HOATZ: variants seen among roughly 807,000 people sequenced by gnomAD.
HOATZ encodes HOATZ cilia and flagella associated protein, also known as cilia- and flagella-associated protein HOATZ.
HOATZ carries 26 observed loss-of-function variants against 24.9 expected under a neutral mutation model. The ratio of observed to expected loss-of-function variants is 1.04; its 90% confidence interval spans 0.76 to 1.45. The LOEUF is 1.45. Among genes scored for constraint, HOATZ ranks in the 40% most tolerant of loss-of-function variants. HOATZ has a pLI of 0.00. For synonymous variants in HOATZ, 83 were observed against 76.6 expected (o/e 1.08, Z -0.43); for missense variants, 226 against 201.5 (o/e 1.12, Z -0.74).
chr11:111,526,712 G>C (rs910553484), intron 3 of HOATZ: 3 of 152,086 alleles, frequency 2.0e-5, no homozygotes, highest in Admixed American at 6.6e-5. Context: ...TGAATATATG[G>C]GCTAGAAACT....
At chr11:111,533,857 G>T (rs1409855138) in intron 4 of HOATZ, 52 bp downstream of exon 4, 2 of 1,355,190 alleles carry the variant, frequency 1.5e-6, no homozygotes, top group South Asian at 3.0e-5. Flanking sequence ...GATGAATTGT[G>T]GCAAATTTTG....
chr11:111,520,848 C>T (rs970717375), intron 3 of HOATZ, among the ~76,000 whole-genome samples: 3 of 152,124 alleles, frequency 2.0e-5, no homozygotes, highest in Admixed American at 6.5e-5. Context: ...AGAGAGAGAT[C>T]GCATTCACAT....
chr11:111,515,160 TC>T (rs1867168633), intron 1 of HOATZ, 150 bp downstream of exon 1: 1 of 627,162 alleles, frequency 1.6e-6, no homozygotes, highest in East Asian at 2.7e-5. Flanking sequence ...CCTGAACCCT[TC>T]CAGCAACCCT....
chr11:111,514,850 A>G lies in HOATZ; in HGVS notation c.66A>G (p.Gly22=), dbSNP rs755108488. The G allele has an allele frequency of 1.9e-6, 3 of 1,614,052 alleles. No individual in the cohort carries two copies. The highest frequency in any genetic ancestry group is 2.5e-6 in the Non-Finnish European group (3 of 1,179,992). Residue 22 remains glycine, a synonymous_variant, in exon 1 of 6, where the codon GGA becomes GGG. Transcript: ENST00000375618. ...AGTCCCAGGAAATGTGCCCCCCGGG[A>G]TTACTGGTATTTGCTGGCTCCTCGG... is the stretch of plus-strand genomic sequence containing the variant. ...RKESQEMCPP[G]LLVFAGSSEQ...
At chr11:111,520,105 G>T (rs916618648) in intron 3 of HOATZ, among the ~76,000 whole-genome samples, 1 of 152,166 alleles carries the variant, frequency 6.6e-6, no homozygotes, top group African/African-American at 2.4e-5. Flanking sequence ...TGTCCATAAA[G>T]GAAACCTCAC....
At chr11:111,531,707 C>T (rs1867395090) in intron 3 of HOATZ, among the ~76,000 whole-genome samples, 1 of 152,138 alleles carries the variant, frequency 6.6e-6, no homozygotes, top group Non-Finnish European at 1.5e-5. Context: ...ACGTAGAAAT[C>T]CTATCTCAAA....
At position 111,534,810 on chromosome 11, in the gene HOATZ, C is replaced by A. The variant is rs1591559397; in HGVS notation, c.452+346C>A. ...CTGTCCCCTATCCACACCTGGCCCA[C>A]TTCTTTAGTGAATCAGCACGTGTTT... On this transcript the variant is annotated intron_variant, in intron 5 of 5. Transcript: ENST00000375618. 4 of 207,088 alleles carry A rather than the reference C, an allele frequency of 1.9e-5. No individual in the cohort carries two copies. The East Asian group carries it at 4.6e-4, about 24-fold the overall frequency. 12.8% of individuals were successfully genotyped at this position (207,088 alleles called of 1,614,324 possible).
chr11:111,520,234 T>C (rs1867254011), intron 3 of HOATZ, among the ~76,000 whole-genome samples: 1 of 152,198 alleles, frequency 6.6e-6, no homozygotes. Context: ...TTTTTAGTTT[T>C]GCCGCCTTTA....
chr11:111,528,627 A>G (rs906614104), intron 3 of HOATZ, among the ~76,000 whole-genome samples: 7 of 152,222 alleles, frequency 4.6e-5, no homozygotes, highest in African/African-American at 1.7e-4. Context: ...AAGTAAATTA[A>G]CTATGATCAA....
chr11:111,529,364 A>C lies in HOATZ; in HGVS notation c.340-4382A>C, dbSNP rs568475410. Among the ~76,000 whole-genome samples the C allele has an allele frequency of 3.3e-5, 5 of 152,022 alleles. No individual in the cohort carries two copies. The South Asian group carries it at 1.0e-3, about 32-fold the overall frequency. ...AATGAGACTCATATTATTTTCTCTT[A>C]ATCTTTTTCTTTTTTTTTAAGACAG... On this transcript the variant is annotated intron_variant, in intron 3 of 5. Transcript: ENST00000375618.
At chr11:111,523,467 C>T (rs945824211) in intron 3 of HOATZ, among the ~76,000 whole-genome samples, 7 of 152,066 alleles carry the variant, frequency 4.6e-5, no homozygotes, top group East Asian at 1.9e-4. Flanking sequence ...TTATGACCAG[C>T]GGCTGGCAGG....
chr11:111,516,023 G>C lies in HOATZ; in HGVS notation c.269-17G>C, dbSNP rs369414553. 1.9e-5 allele frequency: 28 copies of C among 1,480,100 alleles called. No individual in the cohort carries two copies. Among genetic ancestry groups the C allele is most frequent in the Middle Eastern group, 1.8e-4 (1 of 5,440 alleles). 91.7% of individuals were successfully genotyped at this position (1,480,100 alleles called of 1,614,324 possible). A position where few individuals can be genotyped will look rare whatever the true frequency, so the allele number is the denominator to read the frequency against. ...AATAAAATTATTTCAGATTGAATTTGACTTTATTCCCTCTAGAAAATAGAG... is the reference window on the plus strand; with the variant it reads ...AATAAAATTATTTCAGATTGAATTTCACTTTATTCCCTCTAGAAAATAGAG... On this transcript the variant is annotated splice_polypyrimidine_tract_variant and intron_variant, in intron 2 of 5. Transcript: ENST00000375618.
intron 3 of HOATZ, among the ~76,000 whole-genome samples, chr11:111,523,067 G>A (rs1867288402): frequency 1.3e-5 from 2 of 152,236 alleles, no homozygotes; most frequent in East Asian, 1.9e-4. Context: ...CAACAAGAGC[G>A]AGACTGTCTC....
At chr11:111,526,174 C>T (rs1455487332) in intron 3 of HOATZ, among the ~76,000 whole-genome samples, 4 of 152,128 alleles carry the variant, frequency 2.6e-5, no homozygotes, top group African/African-American at 9.7e-5. Context: ...CCGCACATGT[C>T]AAAAGCTCAA....
intron 4 of HOATZ, among the ~76,000 whole-genome samples, 197 bp downstream of exon 4, chr11:111,534,002 C>A (rs1213350157): frequency 6.6e-6 from 1 of 152,188 alleles, no homozygotes; most frequent in Non-Finnish European, 1.5e-5. Context: ...CCAGAGTTTG[C>A]AGCCCTCCTG....
chr11:111,515,974 A>T, intron 2 of HOATZ, 66 bp from the exon 3 acceptor site: 1 of 1,090,628 alleles, frequency 9.2e-7, no homozygotes, highest in African/African-American at 1.6e-5. Context: ...GTCCAATTTT[A>T]TATCAATTTT....
intron 3 of HOATZ, among the ~76,000 whole-genome samples, chr11:111,522,650 CTTCCCAAGCCACTTGGGCAG>C (rs1405694673): frequency 1.3e-5 from 2 of 152,170 alleles, no homozygotes; most frequent in Non-Finnish European, 2.9e-5. Flanking sequence ...CTAGTTGACT[CTTCCCAAGCCACTTGGGCAG>C]TTCCCAAGCC....
chr11:111,531,426 C>G (rs1283757518), intron 3 of HOATZ, among the ~76,000 whole-genome samples: 1 of 152,080 alleles, frequency 6.6e-6, no homozygotes, highest in Admixed American at 6.6e-5. Context: ...AGAGACAAAG[C>G]AGGAACAGTA....
chr11:111,526,997 T>C (rs1867346965), intron 3 of HOATZ, among the ~76,000 whole-genome samples: 1 of 152,228 alleles, frequency 6.6e-6, no homozygotes, highest in South Asian at 2.1e-4. Flanking sequence ...TCAATATATG[T>C]ATACTTTGTT....
Sources: gnomAD v4.1 joint callset for allele counts (sites outside exome capture counted in the v4.1 genomes callset) on GRCh38, gnomAD v4.1.1 for gene constraint, MANE v1.5 for transcripts, NCBI Gene and HGNC (gene_info 2026-07-23, HGNC 2026-07-21) for gene names.